Variants in NBEAL1 observed in about 807,000 individuals in gnomAD.
The protein encoded by NBEAL1 is neurobeachin like 1.
Under a neutral mutation model 351.3 loss-of-function variants are expected in NBEAL1, and 273 were observed. The observed-to-expected ratio is 0.78, with a 90% CI of 0.70 to 0.86. The LOEUF is 0.86. NBEAL1 is among the 40% of genes least tolerant of loss of function. The pLI is 0.00. For synonymous variants in NBEAL1, 1,050 were observed against 1,086.4 expected, an observed-to-expected ratio of 0.97 and a Z score of 0.66; for missense variants, 2,961 against 3,201.3, an observed-to-expected ratio of 0.92 and a Z score of 1.81.
chr2:203,048,337 G>A (rs1345594113), intron 3 of NBEAL1, among the ~76,000 whole-genome samples: 1 of 146,322 alleles, frequency 6.8e-6, no homozygotes, highest in African/African-American at 2.5e-5. Context: ...AGCTGAGATC[G>A]CGCCACTGCA....
At chr2:203,047,198 T>C (rs542154137) in intron 3 of NBEAL1, among the ~76,000 whole-genome samples, 13 of 151,696 alleles carry the variant, frequency 8.6e-5, no homozygotes, top group Non-Finnish European at 1.6e-4. Flanking sequence ...GATTGCGCCA[T>C]TGCACCTCCA....
At chr2:203,210,829 A>T (rs569812352) in intron 53 of NBEAL1, 129 bp from the exon 54 acceptor site, 1 of 495,716 alleles carries the variant, frequency 2.0e-6, no homozygotes, top group African/African-American at 2.0e-5. Context: ...CTTGGTCTTT[A>T]AATATAGCCA....
chr2:203,073,824 A>T (rs1277856861), intron 7 of NBEAL1, among the ~76,000 whole-genome samples: 2 of 152,168 alleles, frequency 1.3e-5, no homozygotes, highest in East Asian at 3.9e-4. Flanking sequence ...CTTTGATTAG[A>T]TCTTTATTTC....
Position 203,038,149 on chromosome 2 carries a change from G to A in NBEAL1, c.52-3616G>A, listed in dbSNP as rs753159816. ...GATTTGTTTATCCGTTAACTTGATA[G>A]AATTTTTGTTTTCAGCTTTGGGCTA... On this transcript the variant is annotated intron_variant, in intron 2 of 55. Transcript: ENST00000683969. Among the ~76,000 whole-genome samples the A allele has an allele frequency of 3.4e-4, 50 of 149,212 alleles. 4 individuals carry two copies. The highest frequency in any genetic ancestry group is 6.2e-4 in the Non-Finnish European group (41 of 66,554).
intron 27 of NBEAL1, 43 bp from the exon 28 acceptor site, chr2:203,135,634 T>C: frequency 8.5e-7 from 1 of 1,174,876 alleles, no homozygotes; most frequent in African/African-American, 1.5e-5. Flanking sequence ...TATAAAGTAC[T>C]ATGTACTTTT....
intron 12 of NBEAL1, among the ~76,000 whole-genome samples, chr2:203,106,497 T>C (rs1454190522): frequency 6.6e-6 from 1 of 152,184 alleles, no homozygotes; most frequent in Non-Finnish European, 1.5e-5. Flanking sequence ...ATGGAAACCA[T>C]TTTAAGTCCT....
At chr2:203,180,245 A>T (rs1459035032) in intron 42 of NBEAL1, 137 bp from the exon 43 acceptor site, 12 of 635,458 alleles carry the variant, frequency 1.9e-5, no homozygotes, top group Non-Finnish European at 2.7e-6. Context: ...TAAATTGTAC[A>T]TGTAGGCATT....
At chr2:203,212,189 G>A (rs576329263) in intron 54 of NBEAL1, among the ~76,000 whole-genome samples, 5 of 151,750 alleles carry the variant, frequency 3.3e-5, no homozygotes, top group East Asian at 2.0e-4. Flanking sequence ...CACCTGGCCC[G>A]AGATTTCTGG....
At chr2:203,049,085 C>T (rs1349567999) in intron 3 of NBEAL1, among the ~76,000 whole-genome samples, 4 of 152,034 alleles carry the variant, frequency 2.6e-5, no homozygotes, top group African/African-American at 9.7e-5. Context: ...TGGCTCACTG[C>T]AACCTCTGCC....
intron 37 of NBEAL1, 77 bp downstream of exon 37, chr2:203,166,374 G>C (rs1056363305): frequency 1.2e-5 from 16 of 1,342,758 alleles, no homozygotes; most frequent in Non-Finnish European, 1.6e-5. Context: ...ATGAGAAGAA[G>C]AAAGCAGTAA....
At chr2:203,053,839 T>A (rs1044847615) in intron 4 of NBEAL1, among the ~76,000 whole-genome samples, 1 of 152,098 alleles carries the variant, frequency 6.6e-6, no homozygotes, top group African/African-American at 2.4e-5. Context: ...TGCAAATATT[T>A]TTTGATAGTC....
rs963115231 is a variant in NBEAL1, at chr2:203,223,919, T to C, written c.*6565T>C. 1.3e-5 allele frequency among the ~76,000 whole-genome samples: 2 copies of C among 152,094 alleles called. No individual in the cohort carries two copies. The highest frequency in any genetic ancestry group is 2.4e-5 in the African/African-American group (1 of 41,470). On this transcript the variant is annotated 3_prime_UTR_variant, in exon 56 of 56. Transcript: ENST00000683969. ...AAGTTATATTAATCACTAAACACTTTAAGAAGTGGTTCTGGTAGGATATCA... is the reference window on the plus strand; with the variant it reads ...AAGTTATATTAATCACTAAACACTTCAAGAAGTGGTTCTGGTAGGATATCA...
At chr2:203,150,871 A>G (rs1234412116) in intron 34 of NBEAL1, among the ~76,000 whole-genome samples, 1 of 152,204 alleles carries the variant, frequency 6.6e-6, no homozygotes, top group Non-Finnish European at 1.5e-5. Context: ...CTGAAAGTCC[A>G]TGTTCAAATC....
In NBEAL1 at chr2:203,132,096, C is replaced by T; in HGVS notation, c.3688C>T (p.Leu1230Phe). The change falls in exon 26 of 56, where the codon CTT becomes TTT. Residue 1230 changes from leucine to phenylalanine, a missense_variant. Leu to Phe is a conservative substitution (Grantham distance 22). Transcript: ENST00000683969. ...LLNEALVNTS[L>F]IKNLTHQIIN... ...TAATGAAGCACTTGTTAATACTTCT[C>T]TTATTAAAAACCTCACCCATCAAAT... The T allele has an allele frequency of 6.5e-7, 1 of 1,542,900 alleles. No individual in the cohort carries two copies.
At chr2:203,056,134 A>G (rs2061398125) in intron 4 of NBEAL1, among the ~76,000 whole-genome samples, 1 of 152,132 alleles carries the variant, frequency 6.6e-6, no homozygotes, top group Non-Finnish European at 1.5e-5. Flanking sequence ...ATTGGTGTTT[A>G]TTTTTTCTCT....
chr2:203,197,425 G>A, intron 48 of NBEAL1, 34 bp downstream of exon 48: 2 of 1,278,774 alleles, frequency 1.6e-6, no homozygotes, highest in East Asian at 2.3e-5. Flanking sequence ...ACACTGCTAT[G>A]CCTATATTCA....
At chr2:203,202,482 A>C (rs900936346) in intron 50 of NBEAL1, among the ~76,000 whole-genome samples, 1 of 152,006 alleles carries the variant, frequency 6.6e-6, no homozygotes, top group Non-Finnish European at 1.5e-5. Context: ...GAGAAGGGGG[A>C]TTTCAAAGAA....
intron 42 of NBEAL1, among the ~76,000 whole-genome samples, chr2:203,179,574 G>A (rs922211528): frequency 3.3e-5 from 5 of 152,058 alleles, no homozygotes; most frequent in Non-Finnish European, 7.4e-5. Context: ...AAAAGCTTTA[G>A]CCACAGAGTT....
chr2:203,128,151 C>T (rs1177218935), intron 24 of NBEAL1, among the ~76,000 whole-genome samples: 1 of 151,052 alleles, frequency 6.6e-6, no homozygotes, highest in Non-Finnish European at 1.5e-5. Flanking sequence ...GTGGCACGAT[C>T]TCGACTCACT....
Sources: gnomAD v4.1 joint callset for allele counts (sites outside exome capture counted in the v4.1 genomes callset) on GRCh38, gnomAD v4.1.1 for gene constraint, MANE v1.5 for transcripts, NCBI Gene and HGNC (gene_info 2026-07-23, HGNC 2026-07-21) for gene names.